TMPRSS11D: variants seen among roughly 807,000 people sequenced by gnomAD.
TMPRSS11D encodes transmembrane serine protease 11D, also known as transmembrane protease serine 11D.
A neutral mutation model predicts 44.4 loss-of-function variants in TMPRSS11D; 32 were observed. That is an observed-to-expected ratio of 0.72 (90% confidence interval 0.54 to 0.97). The LOEUF (loss-of-function observed/expected upper bound fraction) is 0.97, where lower values mean the gene tolerates loss of function less well. Among genes scored for constraint, TMPRSS11D ranks in the 50% least tolerant of loss-of-function variants. The probability of loss-of-function intolerance (pLI) is 0.00; values close to 1 mark genes in which losing one functional copy is unlikely to be tolerated. For missense variants in TMPRSS11D, 446 were observed against 502.6 expected (o/e 0.89, Z 1.08); for synonymous variants, 179 against 177.9 (o/e 1.01, Z -0.05).
chr4:67,874,250 G>A (rs1016668440), intron 1 of TMPRSS11D, among the ~76,000 whole-genome samples: 5 of 152,054 alleles, frequency 3.3e-5, no homozygotes, highest in South Asian at 2.1e-4. Flanking sequence ...ATCGCCTAAC[G>A]ATGCATTTCT....
intron 9 of TMPRSS11D, among the ~76,000 whole-genome samples, chr4:67,825,523 T>A (rs1717769813): frequency 6.6e-6 from 1 of 152,156 alleles, no homozygotes; most frequent in South Asian, 2.1e-4. Flanking sequence ...GGTTAACTAC[T>A]CTGTAATTTG....
At chr4:67,865,391 C>T (rs1014257557) in intron 1 of TMPRSS11D, among the ~76,000 whole-genome samples, 23 of 151,270 alleles carry the variant, frequency 1.5e-4, no homozygotes, top group Non-Finnish European at 1.0e-4. Context: ...AATTTTATAT[C>T]ATTAAATCCC....
chr4:67,846,717 C>T (rs1161627917), intron 3 of TMPRSS11D, among the ~76,000 whole-genome samples: 1 of 152,126 alleles, frequency 6.6e-6, no homozygotes, highest in East Asian at 1.9e-4. Context: ...TGTACAAAAT[C>T]TATTAAACAT....
chr4:67,880,023 A>G (rs1719284339), intron 1 of TMPRSS11D, among the ~76,000 whole-genome samples: 1 of 152,214 alleles, frequency 6.6e-6, no homozygotes, highest in South Asian at 2.1e-4. Context: ...TCTCATTTAT[A>G]TGACTTTCAA....
chr4:67,829,475 TGACCTA>T (rs1263718395), intron 7 of TMPRSS11D, among the ~76,000 whole-genome samples: 3 of 149,880 alleles, frequency 2.0e-5, no homozygotes, highest in African/African-American at 7.3e-5. Flanking sequence ...ATTACCTTTA[TGACCTA>T]GGAATGGGGA....
intron 3 of TMPRSS11D, among the ~76,000 whole-genome samples, chr4:67,850,365 G>C (rs1718471835): frequency 6.6e-6 from 1 of 152,086 alleles, no homozygotes; most frequent in Non-Finnish European, 1.5e-5. Context: ...ATAAATTTTT[G>C]TCGTGCATAT....
intron 1 of TMPRSS11D, among the ~76,000 whole-genome samples, chr4:67,865,644 T>C (rs1289204318): frequency 6.6e-6 from 1 of 151,350 alleles, no homozygotes; most frequent in African/African-American, 2.4e-5. Context: ...AAAAGGAAAC[T>C]ACAATCATAT....
rs556403958 is a variant in TMPRSS11D at position 67,821,016 on chromosome 4, G to A, written c.*1321C>T. 5 of 152,166 alleles carry A rather than the reference G, an allele frequency of 3.3e-5. No individual in the cohort carries two copies. Among genetic ancestry groups the A allele is most frequent in the African/African-American group, 4.8e-5 (2 of 41,444 alleles). The allele number at this position is 152,166 out of a possible 1,614,324, so 9.4% of individuals were successfully genotyped here. ...AGGTGTTTGCACAATTTTACATCAGGAAATACAAGAAGTTTTCAGCAAATG... is the reference window on the plus strand; with the variant it reads ...AGGTGTTTGCACAATTTTACATCAGAAAATACAAGAAGTTTTCAGCAAATG... On this transcript the variant is annotated 3_prime_UTR_variant, in exon 10 of 10. Coordinates refer to ENST00000283916, the MANE Select transcript of TMPRSS11D (RefSeq NM_004262.3).
At chr4:67,883,831 G>T in intron 1 of TMPRSS11D, 95 bp downstream of exon 1, 1 of 982,096 alleles carries the variant, frequency 1.0e-6, no homozygotes, top group South Asian at 1.7e-5. Flanking sequence ...AAGATTGCTA[G>T]ACACAGTCAA....
intron 2 of TMPRSS11D, among the ~76,000 whole-genome samples, chr4:67,856,796 A>T (rs1407264636): frequency 6.6e-6 from 1 of 152,158 alleles, no homozygotes; most frequent in Non-Finnish European, 1.5e-5. Context: ...AAAAAAAAAT[A>T]AAAATTCCAT....
chr4:67,883,783 T>G, intron 1 of TMPRSS11D, 143 bp downstream of exon 1: 1 of 570,646 alleles, frequency 1.8e-6, no homozygotes, highest in Non-Finnish European at 3.0e-6. Flanking sequence ...CTAAACAATA[T>G]CTAAGAGTTT....
At chr4:67,866,692 A>G (rs1286745734) in intron 1 of TMPRSS11D, among the ~76,000 whole-genome samples, 1 of 152,064 alleles carries the variant, frequency 6.6e-6, no homozygotes, top group Non-Finnish European at 1.5e-5. Context: ...TACATCAATA[A>G]TGACCAAGCT....
rs762045885 is a variant in TMPRSS11D at position 67,822,409 on chromosome 4, C to T, written c.1185G>A (p.Leu395=). The T allele has an allele frequency of 1.2e-6, 2 of 1,613,970 alleles. No individual in the cohort carries two copies. Among genetic ancestry groups the T allele is most frequent in the Admixed American group, 3.3e-5 (2 of 59,968 alleles). ...GAGTATACACTCCTGGCTTATCCGG[C>T]AGGCCACACTGATCTCCCCAGCTTA... ...GIVSWGDQCG[L]PDKPGVYTRV... The change falls in exon 10 of 10, where the codon CTG becomes CTA. Residue 395 remains leucine, a synonymous_variant. Coordinates refer to ENST00000283916, the MANE Select transcript of TMPRSS11D (RefSeq NM_004262.3).
intron 1 of TMPRSS11D, among the ~76,000 whole-genome samples, chr4:67,870,735 A>G (rs1395174018): frequency 1.3e-5 from 1 of 79,540 alleles, no homozygotes; most frequent in Non-Finnish European, 3.3e-5. Context: ...ACTGGCGTGA[A>G]CCCGGGAGGC....
At chr4:67,823,077 A>C (rs1717691622) in intron 9 of TMPRSS11D, among the ~76,000 whole-genome samples, 1 of 152,192 alleles carries the variant, frequency 6.6e-6, no homozygotes, top group Non-Finnish European at 1.5e-5. Context: ...TATAAGGTCC[A>C]ACACGAAAGA....
intron 1 of TMPRSS11D, among the ~76,000 whole-genome samples, chr4:67,870,329 C>A (rs1024197163): frequency 6.6e-6 from 1 of 152,166 alleles, no homozygotes; most frequent in Non-Finnish European, 1.5e-5. Context: ...ATATCCTATT[C>A]CAGACATCCT....
intron 1 of TMPRSS11D, 90 bp from the exon 2 acceptor site, chr4:67,859,768 G>A: frequency 6.6e-7 from 1 of 1,525,794 alleles, no homozygotes; most frequent in African/African-American, 1.4e-5. Context: ...GTCTTTCCCG[G>A]TCTCTTATCT....
chr4:67,863,267 T>G (rs891103802), intron 1 of TMPRSS11D, among the ~76,000 whole-genome samples: 1 of 148,328 alleles, frequency 6.7e-6, no homozygotes, highest in African/African-American at 2.5e-5. Flanking sequence ...CCAGTCATAG[T>G]GTTGGCAATT....
rs150964886 is a variant in TMPRSS11D, at chr4:67,825,809, G to A, written c.1018C>T (p.Pro340Ser). 48 of 1,613,206 alleles carry A rather than the reference G, an allele frequency of 3.0e-5. No individual in the cohort carries two copies. The African/African-American group carries it at 5.7e-4, about 19-fold the overall frequency. Residue 340 changes from proline to serine, a missense_variant, in exon 9 of 10, where the codon CCA becomes TCA. By Grantham distance (74) the Pro-to-Ser change is moderately conservative (BLOSUM62 -1). Transcript: ENST00000283916. ...RIISNDVCNA[P>S]HSYNGAILSG... ...AAGATGGCTCCATTATAACTATGTG[G>A]TGCATTACATACATCATTACTTATT...
Sources: gnomAD v4.1 joint callset for allele counts (sites outside exome capture counted in the v4.1 genomes callset) on GRCh38, gnomAD v4.1.1 for gene constraint, MANE v1.5 for transcripts, NCBI Gene and HGNC (gene_info 2026-07-23, HGNC 2026-07-21) for gene names.